Variants in BLK observed in about 807,000 individuals in gnomAD.
The protein encoded by BLK is BLK proto-oncogene, Src family tyrosine kinase.
A neutral mutation model predicts 61.8 loss-of-function variants in BLK; 64 were observed. That is an observed-to-expected ratio of 1.03 (90% CI 0.85 to 1.27). The LOEUF is 1.27. Among genes scored for constraint, BLK ranks in the 50% most tolerant of loss-of-function variants. BLK has a pLI of 0.00. For synonymous variants in BLK, 351 were observed against 272.0 expected (o/e 1.29, Z -2.86); for missense variants, 853 against 660.5 (o/e 1.29, Z -3.19).
At position 11,564,206 on chromosome 8, in the gene BLK, G is replaced by A; in HGVS notation, c.*98G>A. ...GCCGCGAAGGCGGGGTGTCGCCTGT[G>A]CCCTTTTCTCAGACCCGGAATCCAG... On this transcript the variant is annotated 3_prime_UTR_variant, in exon 13 of 13. Transcript: ENST00000259089. 7.1e-7 allele frequency: 1 copy of A among 1,413,818 alleles called. No individual in the cohort carries two copies. The highest frequency in any genetic ancestry group is 9.6e-7 in the Non-Finnish European group (1 of 1,038,908). 87.6% of individuals were successfully genotyped at this position (1,413,818 alleles called of 1,614,324 possible). A position where few individuals can be genotyped will look rare whatever the true frequency, so the allele number is the denominator to read the frequency against.
Position 11,535,300 on chromosome 8 carries a change from G to GAAAGAAAGAAAGAAAGAAAGAAAA in BLK, c.-1-7901_-1-7900insAAAAGAAAGAAAGAAAGAAAGAAA, listed in dbSNP as rs1563102501. Reference sequence around the variant, plus strand: ...AGAAAGAAAGAAAGAAAGAAAGAAAGAAAGAAAGAAAGAAAGAAAGAAAGA... The same window carrying GAAAGAAAGAAAGAAAGAAAGAAAA: ...AGAAAGAAAGAAAGAAAGAAAGAAAGAAAGAAAGAAAGAAAGAAAGAAAAAAAGAAAGAAAGAAAGAAAGAAAGA... On this transcript the variant is annotated intron_variant, in intron 1 of 12. Transcript: ENST00000259089. 1.9e-3 allele frequency among the ~76,000 whole-genome samples: 278 copies of GAAAGAAAGAAAGAAAGAAAGAAAA among 144,430 alleles called. 2 individuals carry two copies. Among genetic ancestry groups the GAAAGAAAGAAAGAAAGAAAGAAAA allele is most frequent in the African/African-American group, 6.8e-3 (269 of 39,710 alleles). The allele number at this position is 144,430 out of a possible 152,430, so 94.8% of individuals were successfully genotyped here. A position where few individuals can be genotyped will look rare whatever the true frequency, so the allele number is the denominator to read the frequency against.
At chr8:11,556,887 G>T (rs1467693861) in intron 9 of BLK, 50 bp downstream of exon 9, 2 of 1,597,100 alleles carry the variant, frequency 1.3e-6, no homozygotes, top group East Asian at 4.5e-5. Flanking sequence ...GGAGGGCCGG[G>T]CTTAGCAGGA....
At chr8:11,520,282 G>T (rs1799389608) in intron 1 of BLK, among the ~76,000 whole-genome samples, 1 of 152,028 alleles carries the variant, frequency 6.6e-6, no homozygotes, top group Non-Finnish European at 1.5e-5. Flanking sequence ...TTCGAGACCA[G>T]TGTGGTCAAC....
chr8:11,549,310 G>C (rs1457918691), intron 5 of BLK, among the ~76,000 whole-genome samples, 188 bp downstream of exon 5: 1 of 152,158 alleles, frequency 6.6e-6, no homozygotes, highest in African/African-American at 2.4e-5. Flanking sequence ...TCAGACTGCT[G>C]TGTGACACTG....
chr8:11,559,135 T>C, intron 10 of BLK: 5 of 383,568 alleles, frequency 1.3e-5, no homozygotes, highest in South Asian at 7.6e-5. Flanking sequence ...GGAAATCTCG[T>C]GTGACCCAGG....
rs182243406 is a variant in BLK at position 11,498,309 on chromosome 8, A to C, written c.-2+3718A>C. On this transcript the variant is annotated intron_variant, in intron 1 of 12. Coordinates refer to ENST00000259089, the MANE Select transcript of BLK (RefSeq NM_001715.3). ...TAAGGGCATTTGAGGTTCTGTGCTT[A>C]ATAGATGAAGTGGGTTCTGAGCATT... Among the ~76,000 whole-genome samples, 152 of 152,252 alleles carry C rather than the reference A, an allele frequency of 1.0e-3. 1 individual carries two copies. Among genetic ancestry groups the C allele is most frequent in the Admixed American group, 6.1e-3 (93 of 15,300 alleles).
chr8:11,519,626 C>T (rs563383398), intron 1 of BLK, among the ~76,000 whole-genome samples: 18 of 152,242 alleles, frequency 1.2e-4, no homozygotes, highest in South Asian at 6.2e-4. Context: ...GTCACCACAT[C>T]GAGAACTTTA....
chr8:11,532,058 C>G (rs551988694), intron 1 of BLK, among the ~76,000 whole-genome samples: 1 of 152,224 alleles, frequency 6.6e-6, no homozygotes, highest in South Asian at 2.1e-4. Flanking sequence ...GGGGTTTCAC[C>G]ATGTTGGCCA....
chr8:11,503,581 T>C (rs1247354734), intron 1 of BLK, among the ~76,000 whole-genome samples: 1 of 152,180 alleles, frequency 6.6e-6, no homozygotes, highest in African/African-American at 2.4e-5. Flanking sequence ...AGTGTGAGCA[T>C]GTGGCTGGGT....
chr8:11,555,081 G>C (rs1019717379), intron 7 of BLK, among the ~76,000 whole-genome samples, 192 bp downstream of exon 7: 1 of 152,198 alleles, frequency 6.6e-6, no homozygotes, highest in African/African-American at 2.4e-5. Context: ...TGGCTCAGCA[G>C]GGAACCCCTT....
At chr8:11,508,758 T>C (rs558590922) in intron 1 of BLK, among the ~76,000 whole-genome samples, 132 of 152,250 alleles carry the variant, frequency 8.7e-4, no homozygotes, top group African/African-American at 3.1e-3. Context: ...TGTGCACCCA[T>C]CTCTCCTTCT....
At chr8:11,516,480 A>C (rs60798606) in intron 1 of BLK, among the ~76,000 whole-genome samples, 1 of 152,152 alleles carries the variant, frequency 6.6e-6, no homozygotes, top group Non-Finnish European at 1.5e-5. Context: ...AACATTTATT[A>C]ATAATCTATT....
intron 10 of BLK, chr8:11,560,922 C>A (rs991396901): frequency 2.1e-6 from 1 of 474,452 alleles, no homozygotes; most frequent in African/African-American, 2.0e-5. Context: ...GTGAGAGCTG[C>A]CTGTCCTTGC....
intron 8 of BLK, 49 bp from the exon 9 acceptor site, chr8:11,556,609 G>T: frequency 6.2e-7 from 1 of 1,612,782 alleles, no homozygotes; most frequent in South Asian, 1.1e-5. Context: ...GATCACCTCC[G>T]AGCAAGCTCT....
intron 9 of BLK, among the ~76,000 whole-genome samples, chr8:11,557,229 G>C (rs1177947984): frequency 2.6e-5 from 4 of 152,182 alleles, no homozygotes; most frequent in African/African-American, 4.8e-5. Flanking sequence ...ATTTACAACT[G>C]TGTGAATATT....
At position 11,563,916 on chromosome 8, in the gene BLK, C is replaced by T. The variant is rs756410913; in HGVS notation, c.1326C>T (p.Pro442=). The part of the protein sequence containing the change: ...GRVPYPGMSN[P]EVIRNLERGY... ...CCTCTGCCGCAGGGATGAGCAACCCCGAGGTCATCCGCAACCTGGAGCGCG... is the reference window on the plus strand; with the variant it reads ...CCTCTGCCGCAGGGATGAGCAACCCTGAGGTCATCCGCAACCTGGAGCGCG... Residue 442 remains proline (P), a synonymous_variant, in exon 13 of 13, where the codon CCC becomes CCT. Transcript: ENST00000259089. 1.2e-6 allele frequency: 2 copies of T among 1,609,020 alleles called. No individual in the cohort carries two copies. The highest frequency in any genetic ancestry group is 2.2e-5 in the East Asian group (1 of 44,850).
chr8:11,503,261 C>A (rs1798636310), intron 1 of BLK, among the ~76,000 whole-genome samples: 1 of 152,258 alleles, frequency 6.6e-6, no homozygotes, highest in Non-Finnish European at 1.5e-5. Context: ...TGGTTCTGAC[C>A]TTCTAGCCCC....
At position 11,559,423 on chromosome 8, in the gene BLK, A is replaced by AGACT. The variant is rs1173098183; in HGVS notation, c.1029+1385_1029+1386insGACT. On this transcript the variant is annotated intron_variant, in intron 10 of 12. Transcript: ENST00000259089. Reference sequence around the variant, plus strand: ...CACACACACAGACACACAGACTCACACACACAAACTCACACAGACACACAA... The same window carrying AGACT: ...CACACACACAGACACACAGACTCACAGACTCACACAAACTCACACAGACACACAA... Among the ~76,000 whole-genome samples, 16 of 151,758 alleles carry AGACT rather than the reference A, an allele frequency of 1.1e-4. 1 individual carries two copies. The highest frequency in any genetic ancestry group is 1.9e-4 in the African/African-American group (8 of 41,354).
At chr8:11,514,884 A>C (rs1319093018) in intron 1 of BLK, among the ~76,000 whole-genome samples, 1 of 152,188 alleles carries the variant, frequency 6.6e-6, no homozygotes, top group African/African-American at 2.4e-5. Flanking sequence ...TTTCTGATCC[A>C]ACCCACCAGT....
Sources: allele counts gnomAD v4.1 joint callset (sites outside exome capture counted in the v4.1 genomes callset), GRCh38; gene constraint gnomAD v4.1.1; transcripts MANE v1.5; gene names NCBI Gene and HGNC (gene_info 2026-07-23, HGNC 2026-07-21).